POC1A: variants seen among roughly 807,000 people sequenced by gnomAD.
POC1A encodes the protein POC1 centriolar protein A, also known as POC1 centriolar protein homolog A.
Under a neutral mutation model 47.8 loss-of-function variants are expected in POC1A, and 34 were observed. The observed-to-expected ratio is 0.71, with a 90% CI of 0.54 to 0.95. POC1A has a LOEUF of 0.95. POC1A is among the 40% of genes least tolerant of loss of function. The pLI, the probability that POC1A is intolerant of heterozygous loss-of-function variation, is 0.00. For missense variants in POC1A, 466 were observed against 528.3 expected (o/e 0.88, Z 1.16); for synonymous variants, 177 against 207.6 (o/e 0.85, Z 1.27).
Position 52,084,186 on chromosome 3 carries a change from G to A in POC1A, c.1126-8201C>T, listed in dbSNP as rs1482833360. ...CACCTGGTCCTACAGTCCATGAAACGGAAGTGAATGGACAGACTGGCACTT... is the reference window on the plus strand; with the variant it reads ...CACCTGGTCCTACAGTCCATGAAACAGAAGTGAATGGACAGACTGGCACTT... On this transcript the variant is annotated intron_variant, in intron 10 of 10. Coordinates refer to ENST00000296484, the MANE Select transcript of POC1A (RefSeq NM_015426.5). The surrounding 1 kb of genome is among the most constrained non-coding windows in gnomAD (Gnocchi z 4.3). Among the ~76,000 whole-genome samples, 14 of 152,324 alleles carry A rather than the reference G, an allele frequency of 9.2e-5. No individual in the cohort carries two copies. The East Asian group carries it at 9.6e-4, about 10-fold the overall frequency.
chr3:52,150,069 C>A, intron 2 of POC1A, 82 bp from the exon 3 acceptor site: 1 of 1,183,902 alleles, frequency 8.4e-7, no homozygotes, highest in East Asian at 2.4e-5. Flanking sequence ...GCAGGGGGAG[C>A]AACTGGCCCA....
intron 2 of POC1A, among the ~76,000 whole-genome samples, chr3:52,150,357 C>T (rs1698518144): frequency 6.6e-6 from 1 of 152,192 alleles, no homozygotes. Context: ...CCAGCCCCTC[C>T]CATTGAGAGG....
chr3:52,115,418 T>C (rs984032162), intron 9 of POC1A, among the ~76,000 whole-genome samples: 2 of 152,198 alleles, frequency 1.3e-5, no homozygotes, highest in Non-Finnish European at 2.9e-5. Context: ...TAAGAATCCG[T>C]TGAACCCACA....
chr3:52,109,949 A>T (rs1235526818), intron 9 of POC1A, among the ~76,000 whole-genome samples: 2 of 152,160 alleles, frequency 1.3e-5, no homozygotes, highest in Non-Finnish European at 2.9e-5. Context: ...CTAGGCATGC[A>T]GACTCTACCA....
At chr3:52,141,086 C>A (rs1698177836) in intron 6 of POC1A, among the ~76,000 whole-genome samples, 1 of 152,210 alleles carries the variant, frequency 6.6e-6, no homozygotes, top group African/African-American at 2.4e-5. Flanking sequence ...AACTCTGACT[C>A]CAGGTCAAAG....
chr3:52,097,646 G>T (rs1486937527), intron 9 of POC1A, among the ~76,000 whole-genome samples: 3 of 152,142 alleles, frequency 2.0e-5, no homozygotes, highest in Non-Finnish European at 4.4e-5. Flanking sequence ...TCCTTTATTA[G>T]GTAAGTATTC....
At chr3:52,083,306 GC>G (rs1392578764) in intron 10 of POC1A, among the ~76,000 whole-genome samples, 1 of 152,042 alleles carries the variant, frequency 6.6e-6, no homozygotes, top group African/African-American at 2.4e-5. Flanking sequence ...AGAGGGTGAG[GC>G]CCCCACCCTC....
intron 10 of POC1A, among the ~76,000 whole-genome samples, chr3:52,085,186 G>C (rs932552476): frequency 6.6e-6 from 1 of 152,120 alleles, no homozygotes; most frequent in African/African-American, 2.4e-5. Context: ...GCCACATCAG[G>C]GCTCTGCCCT....
intron 9 of POC1A, among the ~76,000 whole-genome samples, chr3:52,099,712 A>G (rs148981388): frequency 1.1e-3 from 164 of 152,266 alleles, no homozygotes; most frequent in Non-Finnish European, 2.1e-3. Context: ...TCAGCCAGGC[A>G]TGGTGGTAGG....
chr3:52,125,426 T>A (rs1703960642), intron 7 of POC1A, among the ~76,000 whole-genome samples: 2 of 151,998 alleles, frequency 1.3e-5, no homozygotes, highest in African/African-American at 4.8e-5. Flanking sequence ...AGAATGTGGG[T>A]GACAGAGATG....
intron 2 of POC1A, among the ~76,000 whole-genome samples, chr3:52,150,301 A>C (rs1000076023): frequency 6.6e-6 from 1 of 152,164 alleles, no homozygotes; most frequent in Non-Finnish European, 1.5e-5. Flanking sequence ...CTCCCCCCAG[A>C]CACATCCTGA....
At chr3:52,104,166 C>A (rs756687239) in intron 9 of POC1A, among the ~76,000 whole-genome samples, 25 of 152,280 alleles carry the variant, frequency 1.6e-4, no homozygotes, top group South Asian at 6.2e-4. Context: ...ATACATATAA[C>A]AATGTGGGTC....
intron 10 of POC1A, among the ~76,000 whole-genome samples, chr3:52,092,344 C>T (rs188290021): frequency 5.2e-4 from 79 of 152,286 alleles, no homozygotes; most frequent in African/African-American, 1.7e-3. Flanking sequence ...CTTGATGAAG[C>T]CATCCCTAAC....
At chr3:52,076,579 T>A (rs1702122364) in intron 10 of POC1A, among the ~76,000 whole-genome samples, 1 of 152,254 alleles carries the variant, frequency 6.6e-6, no homozygotes, top group Non-Finnish European at 1.5e-5. Flanking sequence ...CTATAGGATA[T>A]GTCATGTGGG....
intron 6 of POC1A, among the ~76,000 whole-genome samples, chr3:52,144,694 C>CA: frequency 6.6e-6 from 1 of 152,220 alleles, no homozygotes; most frequent in African/African-American, 2.4e-5. Flanking sequence ...AGTCAAATGA[C>CA]CTGCCCAATA....
intron 6 of POC1A, among the ~76,000 whole-genome samples, chr3:52,140,066 T>C (rs1698138406): frequency 6.6e-6 from 1 of 152,184 alleles, no homozygotes; most frequent in Non-Finnish European, 1.5e-5. Flanking sequence ...ATCTTAGCAC[T>C]GAAAGGCTGT....
At chr3:52,082,376 G>A (rs569004159) in intron 10 of POC1A, among the ~76,000 whole-genome samples, 5 of 152,292 alleles carry the variant, frequency 3.3e-5, no homozygotes, top group Admixed American at 6.5e-5. Flanking sequence ...GGAGGATGCC[G>A]AGATGCTGGG....
chr3:52,130,385 T>G (rs954073559), intron 7 of POC1A, among the ~76,000 whole-genome samples: 1 of 152,190 alleles, frequency 6.6e-6, no homozygotes, highest in Admixed American at 6.5e-5. Flanking sequence ...AGGAGGCTCC[T>G]GCACTCACTT....
intron 1 of POC1A, 26 bp downstream of exon 1, chr3:52,154,329 G>C (rs777073141): frequency 3.8e-6 from 6 of 1,560,108 alleles, no homozygotes; most frequent in Non-Finnish European, 5.2e-6. Context: ...ACTGAGGCCT[G>C]GGGAGTTGCT....
Sources: gnomAD v4.1 joint callset for allele counts (sites outside exome capture counted in the v4.1 genomes callset) on GRCh38, gnomAD v4.1.1 for gene constraint, Gnocchi (gnomAD v3.1) non-coding constraint, MANE v1.5 for transcripts, NCBI Gene and HGNC (gene_info 2026-07-23, HGNC 2026-07-21) for gene names.